NCOR2: variants seen among roughly 807,000 people sequenced by gnomAD.
The protein encoded by NCOR2 is CTG repeat protein 26.
In NCOR2, 81 loss-of-function variants were observed where a neutral mutation model predicts 262.9. The ratio of observed to expected loss-of-function variants is 0.31; its 90% CI spans 0.26 to 0.37. The LOEUF is 0.37. NCOR2 is among the 10% of genes least tolerant of loss of function. The pLI is 1.00. For missense variants in NCOR2, 3,385 were observed against 3,621.4 expected (o/e 0.93, Z 1.68); for synonymous variants, 1,659 against 1,559.3 (o/e 1.06, Z -1.51).
chr12:124,473,216 C>A, intron 3 of NCOR2, 85 bp from the exon 6 acceptor site: 1 of 1,487,182 alleles, frequency 6.7e-7, no homozygotes, highest in Non-Finnish European at 9.2e-7. Flanking sequence ...ATACTGTCAA[C>A]CTGATTGGAT....
chr12:124,383,725 A>G (rs1372597396), intron 17 of NCOR2, among the ~76,000 whole-genome samples: 2 of 152,170 alleles, frequency 1.3e-5, no homozygotes, highest in African/African-American at 2.4e-5. Context: ...TTGGATAACA[A>G]CTGTTATTCT....
upstream of NCOR2, among the ~76,000 whole-genome samples, chr12:124,495,601 C>T (rs934084202): frequency 6.6e-6 from 1 of 152,144 alleles, no homozygotes; most frequent in Non-Finnish European, 1.5e-5. This position sits in a 1 kb window ranked among gnomAD's most constrained non-coding sequence, Gnocchi z 4.4. Flanking sequence ...GACCAGAGGC[C>T]TCCTCCCCAC....
intron 6 of NCOR2, among the ~76,000 whole-genome samples, chr12:124,451,309 A>C (rs1221583252): frequency 6.6e-6 from 1 of 152,356 alleles, no homozygotes; most frequent in East Asian, 1.9e-4. Context: ...GACAGGTGAG[A>C]AACAGTGAAC....
upstream of NCOR2, among the ~76,000 whole-genome samples, chr12:124,498,931 C>G (rs2048527419): frequency 6.6e-6 from 1 of 152,192 alleles, no homozygotes; most frequent in African/African-American, 2.4e-5. Context: ...ATGTCCAGAA[C>G]AGGCACATCC....
rs575108994 is a variant in NCOR2, at chr12:124,483,944, T to G, written c.234-171A>C. On this transcript the variant is annotated intron_variant, in intron 2 of 46. Coordinates refer to ENST00000405201, the Ensembl canonical transcript of NCOR2. The surrounding 1 kb of genome is among the most constrained non-coding windows in gnomAD (Gnocchi z 6.3). ...CCACGGTCCCACAGCAGGGCAGGAC[T>G]CCAATGCAGCGCTGCCTTCCTTCAG... is the stretch of plus-strand genomic sequence containing the variant. 2.6e-5 allele frequency among the ~76,000 whole-genome samples: 4 copies of G among 152,248 alleles called. No homozygotes were observed. Among genetic ancestry groups the G allele is most frequent in the African/African-American group, 9.6e-5 (4 of 41,554 alleles).
At chr12:124,524,717 A>G (rs2050364226) in intron 1 of NCOR2, among the ~76,000 whole-genome samples, 1 of 152,020 alleles carries the variant, frequency 6.6e-6, no homozygotes, top group Admixed American at 6.6e-5. Flanking sequence ...CCCCTAACTA[A>G]TCACCCCCAG....
At chr12:124,333,149 C>T in exon 42 of NCOR2, 1 of 1,609,090 alleles carries the variant, frequency 6.2e-7, no homozygotes, top group Non-Finnish European at 8.5e-7. Flanking sequence ...GTCTGTTCCC[C>T]ATCCCGGTAC....
chr12:124,531,024 C>G lies in NCOR2; in HGVS notation c.-118+4541G>C. Among the ~76,000 whole-genome samples the G allele has an allele frequency of 6.6e-6, 1 of 152,142 alleles. No homozygotes were observed. Among genetic ancestry groups the G allele is most frequent in the Non-Finnish European group, 1.5e-5 (1 of 68,024 alleles). On this transcript the variant is annotated intron_variant, in intron 1 of 46. Coordinates refer to the NCOR2 transcript ENST00000404621. The surrounding 1 kb of genome is among the most constrained non-coding windows in gnomAD (Gnocchi z 4.5). ...GGGCATTTAACTGATGCCTGCTGTC[C>G]GGACAGGACACGGTTCCTGGGCTCC...
At chr12:124,562,219 C>T (rs1269037940) in intron 1 of NCOR2, 1 of 152,192 alleles carries the variant, frequency 6.6e-6, no homozygotes. Context: ...TGCTCAGTGG[C>T]AGGGACCCAC....
At chr12:124,340,477 G>C (rs772737725) in intron 35 of NCOR2, 34 bp from the exon 38 acceptor site, 8 of 1,601,274 alleles carry the variant, frequency 5.0e-6, no homozygotes, top group Non-Finnish European at 6.0e-6. Flanking sequence ...CTCAGCCCCA[G>C]GGCCGAAGAA....
chr12:124,335,789 G>C (rs2035825916), intron 38 of NCOR2, 157 bp from the exon 41 acceptor site: 1 of 784,772 alleles, frequency 1.3e-6, no homozygotes, highest in African/African-American at 1.7e-5. Flanking sequence ...AAGGCAGAGA[G>C]GGGTGTTGGG....
intron 13 of NCOR2, among the ~76,000 whole-genome samples, chr12:124,410,328 G>C (rs2042505166): frequency 6.6e-6 from 1 of 150,858 alleles, no homozygotes; most frequent in African/African-American, 2.4e-5. Flanking sequence ...CTGCAGCCCG[G>C]TCTGCTCCAT....
At chr12:124,369,105 C>T (rs759666189) in intron 20 of NCOR2, among the ~76,000 whole-genome samples, 36 of 152,332 alleles carry the variant, frequency 2.4e-4, no homozygotes, top group African/African-American at 7.0e-4. Flanking sequence ...AAGCCATCCA[C>T]GCCCACCTTA....
At position 124,356,877 on chromosome 12, in the gene NCOR2, C is replaced by T. The variant is rs1378272657; in HGVS notation, c.3101-95G>A. On this transcript the variant is annotated intron_variant, in intron 22 of 46. Transcript: ENST00000405201. ...ACCCTACACAAATGGCCTTCCTGCACCCACAGTAGTGGTGGCCTGTGACGG... is the reference window on the plus strand; with the variant it reads ...ACCCTACACAAATGGCCTTCCTGCATCCACAGTAGTGGTGGCCTGTGACGG... 5 of 1,358,872 alleles carry T rather than the reference C, an allele frequency of 3.7e-6. No individual in the cohort carries two copies. In the African/African-American group the frequency reaches 7.7e-5, roughly 21 times the overall value. The allele number at this position is 1,358,872 out of a possible 1,614,324, so 84.2% of individuals were successfully genotyped here.
chr12:124,540,306 G>A (rs1417231389), upstream of NCOR2, among the ~76,000 whole-genome samples: 1 of 148,624 alleles, frequency 6.7e-6, no homozygotes, highest in African/African-American at 2.5e-5. Context: ...GTGTCCATGA[G>A]GAAGGAAAAA....
chr12:124,344,744 C>A, exon 32 of NCOR2: 1 of 1,546,256 alleles, frequency 6.5e-7, no homozygotes, highest in Non-Finnish European at 8.7e-7. Flanking sequence ...GCGCCGCGCG[C>A]AATGGAGCCC....
chr12:124,373,865 G>A (rs2039763919), intron 19 of NCOR2, among the ~76,000 whole-genome samples: 1 of 151,166 alleles, frequency 6.6e-6, no homozygotes, highest in East Asian at 2.0e-4. Context: ...TGCGTGCGCA[G>A]GGGCCCCGGG....
chr12:124,465,993 G>A (rs1382131883), intron 5 of NCOR2, among the ~76,000 whole-genome samples, 180 bp downstream of exon 7: 1 of 152,192 alleles, frequency 6.6e-6, no homozygotes, highest in Non-Finnish European at 1.5e-5. Context: ...GGCCACACCA[G>A]GATGGCTTTC....
chr12:124,486,669 C>T (rs1593778141), intron 1 of NCOR2, 101 bp from the exon 4 acceptor site: 17 of 1,394,576 alleles, frequency 1.2e-5, no homozygotes, highest in South Asian at 8.6e-5. Flanking sequence ...TGCTCAGGCT[C>T]GCTCCTGCCC....
Sources: allele counts gnomAD v4.1 joint callset (sites outside exome capture counted in the v4.1 genomes callset), GRCh38; gene constraint gnomAD v4.1.1; non-coding constraint Gnocchi (gnomAD v3.1); transcripts MANE v1.5; gene names NCBI Gene and HGNC (gene_info 2026-07-23, HGNC 2026-07-21).